Variants in TARBP1 observed in about 807,000 individuals in gnomAD.
The protein encoded by TARBP1 is tRNA guanosine 2 -O-methyltransferase TARBP1.
In TARBP1, 144 loss-of-function variants were observed where a neutral mutation model predicts 178.6. The observed-to-expected ratio is 0.81, with a 90% CI of 0.70 to 0.93. TARBP1 has a LOEUF of 0.93. Among genes scored for constraint, TARBP1 ranks in the 40% least tolerant of loss-of-function variants. The pLI is 0.00. For synonymous variants in TARBP1, 787 were observed against 781.0 expected (o/e 1.01, Z -0.13); for missense variants, 2,067 against 2,011.7 (o/e 1.03, Z -0.53).
intron 14 of TARBP1, among the ~76,000 whole-genome samples, chr1:234,432,427 C>T (rs761453960): frequency 6.6e-6 from 1 of 151,796 alleles, no homozygotes; most frequent in African/African-American, 2.4e-5. Flanking sequence ...GGTGACAGAG[C>T]GAGACTCTGT....
Position 234,446,867 on chromosome 1 carries a change from T to C in TARBP1, c.2070A>G (p.Arg690=). ...NAYMPLLKTD[R]CLQLLLKLLN... ...ACAGCTTCAACAGCAGCTGGAGGCA[T>C]CTGTCAGTCTTCAGCAAGGGCATGT... The change falls in exon 12 of 30, where the codon AGA becomes AGG. Residue 690 remains arginine, a synonymous_variant. Coordinates refer to ENST00000040877, the MANE Select transcript of TARBP1 (RefSeq NM_005646.4). 9.3e-6 allele frequency: 15 copies of C among 1,614,060 alleles called. No individual in the cohort carries two copies. The highest frequency in any genetic ancestry group is 1.2e-5 in the Non-Finnish European group (14 of 1,179,988).
At chr1:234,458,385 C>G (rs1408182746) in intron 8 of TARBP1, among the ~76,000 whole-genome samples, 1 of 152,142 alleles carries the variant, frequency 6.6e-6, no homozygotes, top group East Asian at 1.9e-4. Flanking sequence ...TAAAAATGAG[C>G]CCCTGACTCA....
At chr1:234,449,872 T>TA (rs202166549) in intron 10 of TARBP1, among the ~76,000 whole-genome samples, 3,082 of 152,328 alleles carry the variant, frequency 0.02, 69 homozygotes, top group African/African-American at 0.061. Flanking sequence ...ATGAATCTGT[T>TA]AAGAGTGCTT....
chr1:234,409,393 A>G (rs570923294), intron 23 of TARBP1, among the ~76,000 whole-genome samples: 2 of 152,242 alleles, frequency 1.3e-5, no homozygotes, highest in Non-Finnish European at 2.9e-5. Context: ...ACCCCGCAAC[A>G]GGACAATGTC....
rs143755676 is a variant in TARBP1, at chr1:234,414,028, C to T, written c.3706-3497G>A. Among the ~76,000 whole-genome samples the T allele has an allele frequency of 6.6e-5, 10 of 152,278 alleles. No individual in the cohort carries two copies. The East Asian group carries it at 1.9e-3, about 29-fold the overall frequency. On this transcript the variant is annotated intron_variant, in intron 22 of 29. Coordinates refer to ENST00000040877, the MANE Select transcript of TARBP1 (RefSeq NM_005646.4). Reference sequence around the variant, plus strand: ...TAAGGCACTCAGTGTTACACATCTACGTTTTAGGTTATTTAGTCTAAGGGA... The same window carrying T: ...TAAGGCACTCAGTGTTACACATCTATGTTTTAGGTTATTTAGTCTAAGGGA...
At chr1:234,459,087 T>TATTTTATTACA in intron 8 of TARBP1, 143 bp downstream of exon 8, 1 of 615,482 alleles carries the variant, frequency 1.6e-6, no homozygotes, top group Non-Finnish European at 2.8e-6. Flanking sequence ...TCATATGTAT[T>TATTTTATTACA]ATTTTATTAC....
intron 1 of TARBP1, among the ~76,000 whole-genome samples, chr1:234,473,200 T>C (rs1172497027): frequency 2.0e-5 from 3 of 152,142 alleles, no homozygotes; most frequent in African/African-American, 7.2e-5. Flanking sequence ...GTCATGAGAA[T>C]TTTAAGTTGA....
At chr1:234,448,725 A>T in intron 10 of TARBP1, 146 bp from the exon 11 acceptor site, 2 of 648,560 alleles carry the variant, frequency 3.1e-6, no homozygotes, top group Non-Finnish European at 5.3e-6. Context: ...AGAACACCCT[A>T]GAGCATGGCT....
At chr1:234,424,688 G>C (rs530575516) in intron 20 of TARBP1, among the ~76,000 whole-genome samples, 54 of 152,282 alleles carry the variant, frequency 3.5e-4, no homozygotes, top group African/African-American at 1.2e-3. Flanking sequence ...CACTTTGGGA[G>C]GCCAAGGCAA....
Position 234,427,394 on chromosome 1 carries a change from C to T in TARBP1, c.3252-6G>A. 2 of 1,598,666 alleles carry T rather than the reference C, an allele frequency of 1.3e-6. No homozygotes were observed. The highest frequency in any genetic ancestry group is 1.7e-6 in the Non-Finnish European group (2 of 1,174,112). On this transcript the variant is annotated splice_region_variant and splice_polypyrimidine_tract_variant and intron_variant, in intron 18 of 29. Transcript: ENST00000040877. ...TCTGTACATCCTGAACAAGTCTTTCCATAAAAAACATTTGATAAAGAACAA... is the reference window on the plus strand; with the variant it reads ...TCTGTACATCCTGAACAAGTCTTTCTATAAAAAACATTTGATAAAGAACAA...
Position 234,444,917 on chromosome 1 carries a change from A to G in TARBP1, c.2134+1886T>C, listed in dbSNP as rs372173752. Reference sequence around the variant, plus strand: ...AATGAAATCATTTCCATCAGCACATAAACATGGTTATATTCACCTCTTAAG... The same window carrying G: ...AATGAAATCATTTCCATCAGCACATGAACATGGTTATATTCACCTCTTAAG... On this transcript the variant is annotated intron_variant, in intron 12 of 29. Coordinates refer to ENST00000040877, the MANE Select transcript of TARBP1 (RefSeq NM_005646.4). Among the ~76,000 whole-genome samples, 27 of 152,222 alleles carry G rather than the reference A, an allele frequency of 1.8e-4. No individual in the cohort carries two copies. The East Asian group carries it at 3.1e-3, about 17-fold the overall frequency.
In TARBP1 at chr1:234,429,565, G is replaced by A; in HGVS notation, c.2722C>T (p.Pro908Ser). 1 of 1,614,154 alleles carries A rather than the reference G, an allele frequency of 6.2e-7. No homozygotes were observed. Among genetic ancestry groups the A allele is most frequent in the Non-Finnish European group, 8.5e-7 (1 of 1,180,042 alleles). ...TCCAGAATTTCACTCCCTGTGGTTG[G>A]TATAAGGGTGTGATATTTTTTCAAC... ...FLLKKYHTLI[P>S]TTGSEILEPF... Residue 908 changes from proline to serine, a missense_variant, in exon 16 of 30, where the codon CCA becomes TCA. Pro to Ser is a moderately conservative substitution (Grantham distance 74). Coordinates refer to ENST00000040877, the MANE Select transcript of TARBP1 (RefSeq NM_005646.4).
At chr1:234,450,329 T>A in intron 10 of TARBP1, 99 bp downstream of exon 10, 1 of 899,948 alleles carries the variant, frequency 1.1e-6, no homozygotes, top group South Asian at 2.1e-5. Flanking sequence ...TAAATCATCA[T>A]ATATTTCGTA....
intron 6 of TARBP1, among the ~76,000 whole-genome samples, chr1:234,462,838 C>T (rs532960094): frequency 2.1e-4 from 32 of 152,038 alleles, no homozygotes; most frequent in African/African-American, 6.0e-4. Flanking sequence ...TTTTTTCTGA[C>T]GTTTGAATAG....
chr1:234,398,285 G>T, intron 26 of TARBP1, 97 bp downstream of exon 26: 1 of 1,028,350 alleles, frequency 9.7e-7, no homozygotes, highest in Non-Finnish European at 1.3e-6. Context: ...GTCAATGAAA[G>T]TGATATTATT....
At chr1:234,452,840 CTG>C (rs1282166781) in intron 9 of TARBP1, among the ~76,000 whole-genome samples, 1 of 151,648 alleles carries the variant, frequency 6.6e-6, no homozygotes, top group Non-Finnish European at 1.5e-5. Flanking sequence ...GATAAATAAA[CTG>C]TGGTACATCC....
chr1:234,400,791 A>G (rs1042039848), intron 25 of TARBP1: 5 of 156,528 alleles, frequency 3.2e-5, no homozygotes, highest in Non-Finnish European at 7.1e-5. Context: ...ATTGCCATTA[A>G]CAAAAAAGTA....
At chr1:234,399,364 G>A (rs534676917) in intron 25 of TARBP1, among the ~76,000 whole-genome samples, 11 of 152,218 alleles carry the variant, frequency 7.2e-5, no homozygotes, top group Non-Finnish European at 1.5e-4. Context: ...AACTTAAACT[G>A]GCACAATGAT....
At chr1:234,445,701 C>T (rs1215224258) in intron 12 of TARBP1, among the ~76,000 whole-genome samples, 1 of 152,114 alleles carries the variant, frequency 6.6e-6, no homozygotes, top group Non-Finnish European at 1.5e-5. Context: ...TAATAAAATT[C>T]AAAATAGGAA....
Sources: gnomAD v4.1 joint callset for allele counts (sites outside exome capture counted in the v4.1 genomes callset) on GRCh38, gnomAD v4.1.1 for gene constraint, MANE v1.5 for transcripts, NCBI Gene and HGNC (gene_info 2026-07-23, HGNC 2026-07-21) for gene names.